The following GTPBP1 variants were observed in gnomAD, a reference collection of about 807,000 sequenced individuals.
GTPBP1 encodes GTP-binding protein 1.
Under a neutral mutation model 62.0 loss-of-function variants are expected in GTPBP1, and 23 were observed. The ratio of observed to expected loss-of-function variants is 0.37; its 90% CI spans 0.27 to 0.53. GTPBP1 has a LOEUF of 0.53. Ranked by LOEUF, GTPBP1 falls within the 20% of genes least tolerant of loss-of-function variation. GTPBP1 has a pLI of 0.89. For missense variants in GTPBP1, 640 were observed against 917.3 expected (o/e 0.70, Z 3.90); for synonymous variants, 344 against 364.4 (o/e 0.94, Z 0.64).
downstream of GTPBP1, chr22:38,742,156 AAAAAG>A: frequency 4.4e-6 from 5 of 1,123,758 alleles, no homozygotes; most frequent in African/African-American, 1.6e-5. Context: ...AAGAAAAAAA[AAAAAG>A]AAAAAAAGAG....
Position 38,730,793 on chromosome 22 carries a change from C to T in GTPBP1, c.*89C>T. On this transcript the variant is annotated 3_prime_UTR_variant, in exon 12 of 12. Coordinates refer to ENST00000216044, the MANE Select transcript of GTPBP1 (RefSeq NM_004286.5). This position sits in a 1 kb window ranked among gnomAD's most constrained non-coding sequence, Gnocchi z 5.6. ...TGGGCAGAGCAGCTATGACCGCCAC[C>T]CAGCCCTCCCGCTCAGGCCACAGCC... The T allele has an allele frequency of 1.4e-6, 1 of 693,934 alleles. No individual in the cohort carries two copies. 43.0% of individuals were successfully genotyped at this position (693,934 alleles called of 1,614,324 possible). A position where few individuals can be genotyped will look rare whatever the true frequency, so the allele number is the denominator to read the frequency against.
At chr22:38,728,406 G>C (rs1002974498) in intron 10 of GTPBP1, 6 of 491,380 alleles carry the variant, frequency 1.2e-5, no homozygotes, top group Non-Finnish European at 1.9e-5. Flanking sequence ...TAGAAAACTG[G>C]TGACAGAATG....
chr22:38,709,755 C>G (rs2092627643), intron 2 of GTPBP1, among the ~76,000 whole-genome samples: 1 of 152,224 alleles, frequency 6.6e-6, no homozygotes, highest in Middle Eastern at 3.2e-3. Flanking sequence ...CCAGACCCTA[C>G]TGACTATTTA....
chr22:38,739,392 C>T (rs539760038), downstream of GTPBP1: 38 of 1,613,172 alleles, frequency 2.4e-5, no homozygotes, highest in African/African-American at 6.7e-5. This position sits in a 1 kb window ranked among gnomAD's most constrained non-coding sequence, Gnocchi z 6.7. Flanking sequence ...CTCACTGTAG[C>T]GCTGCAGGGC....
rs953579392 is a variant in GTPBP1 at position 38,727,729 on chromosome 22, C to T, written c.1538-254C>T. On this transcript the variant is annotated intron_variant, in intron 9 of 11. Coordinates refer to ENST00000216044, the MANE Select transcript of GTPBP1 (RefSeq NM_004286.5). The surrounding 1 kb of genome is among the most constrained non-coding windows in gnomAD (Gnocchi z 6.5). ...GGTGCATGTGCAGTGTGCTGTAATC[C>T]CAGGAACTGGGACCCTTGTCTGCCC... Among the ~76,000 whole-genome samples the T allele has an allele frequency of 6.6e-6, 1 of 152,184 alleles. No individual in the cohort carries two copies. Among genetic ancestry groups the T allele is most frequent in the Non-Finnish European group, 1.5e-5 (1 of 68,020 alleles).
chr22:38,740,603 C>T, downstream of GTPBP1: 3 of 665,546 alleles, frequency 4.5e-6, no homozygotes, highest in Non-Finnish European at 7.3e-6. The surrounding 1 kb of genome is among the most constrained non-coding windows in gnomAD (Gnocchi z 4.8). Flanking sequence ...GGCTGCAGAA[C>T]CCCTGCCTGT....
Position 38,724,255 on chromosome 22 carries a change from A to G in GTPBP1, c.959-42A>G, listed in dbSNP as rs755790364. 2.6e-6 allele frequency: 3 copies of G among 1,171,090 alleles called. No homozygotes were observed. In the South Asian group the frequency reaches 3.7e-5, roughly 14 times the overall value. The allele number at this position is 1,171,090 out of a possible 1,614,324, so 72.5% of individuals were successfully genotyped here. A position where few individuals can be genotyped will look rare whatever the true frequency, so the allele number is the denominator to read the frequency against. On this transcript the variant is annotated intron_variant, in intron 5 of 11. Coordinates refer to ENST00000216044, the MANE Select transcript of GTPBP1 (RefSeq NM_004286.5). ...TTGCTCTTAAAGCCTGGCCAAAGAGAAGGCTGTGTCCCCCTAATTCTGTTC... is the reference window on the plus strand; with the variant it reads ...TTGCTCTTAAAGCCTGGCCAAAGAGGAGGCTGTGTCCCCCTAATTCTGTTC...
chr22:38,727,107 A>G lies in GTPBP1; in HGVS notation c.1402-106A>G. 9.0e-7 allele frequency: 1 copy of G among 1,116,342 alleles called. No individual in the cohort carries two copies. The highest frequency in any genetic ancestry group is 1.3e-6 in the Non-Finnish European group (1 of 799,362). The allele number at this position is 1,116,342 out of a possible 1,614,324, so 69.2% of individuals were successfully genotyped here. A position where few individuals can be genotyped will look rare whatever the true frequency, so the allele number is the denominator to read the frequency against. On this transcript the variant is annotated intron_variant, in intron 8 of 11. Coordinates refer to ENST00000216044, the MANE Select transcript of GTPBP1 (RefSeq NM_004286.5). This position sits in a 1 kb window ranked among gnomAD's most constrained non-coding sequence, Gnocchi z 6.5. ...TCCAGTTGGTGAGGAAACCAGGCAG[A>G]GTTGGGGTGGTCCCTATCCCTAGAA...
rs939592077 is a variant in GTPBP1, at chr22:38,730,165, C to T, written c.1918-447C>T. Among the ~76,000 whole-genome samples, 2 of 152,190 alleles carry T rather than the reference C, an allele frequency of 1.3e-5. No homozygotes were observed. The highest frequency in any genetic ancestry group is 2.9e-5 in the Non-Finnish European group (2 of 68,024). On this transcript the variant is annotated intron_variant, in intron 11 of 11. Coordinates refer to ENST00000216044, the MANE Select transcript of GTPBP1 (RefSeq NM_004286.5). The surrounding 1 kb of genome is among the most constrained non-coding windows in gnomAD (Gnocchi z 5.6). ...CAGCTGTCTCCCACAGGCACTCTCT[C>T]CTGGCGTGATGAAGGCCTGGTGCCC...
chr22:38,721,298 G>C (rs1410992252), intron 4 of GTPBP1, among the ~76,000 whole-genome samples: 1 of 152,158 alleles, frequency 6.6e-6, no homozygotes, highest in Non-Finnish European at 1.5e-5. Context: ...GGCTGGTCGC[G>C]AACTCCCGAC....
downstream of GTPBP1, among the ~76,000 whole-genome samples, chr22:38,741,221 C>T (rs897086009): frequency 5.9e-5 from 9 of 151,892 alleles, no homozygotes; most frequent in Non-Finnish European, 1.2e-4. Flanking sequence ...TCATGAGTCT[C>T]GTCCATGTCT....
Position 38,732,605 on chromosome 22 carries a change from C to G in GTPBP1, c.*1901C>G, listed in dbSNP as rs1490507004. ...CTGCCACCTCTGTGCCCTGGGCAGG[C>G]TCCAAAGGAAAGCTCTGGCTGGGAC... On this transcript the variant is annotated 3_prime_UTR_variant, in exon 12 of 12. Transcript: ENST00000216044. The G allele has an allele frequency of 6.6e-6, 1 of 152,346 alleles. No homozygotes were observed. The allele number at this position is 152,346 out of a possible 1,614,324, so 9.4% of individuals were successfully genotyped here.
intron 2 of GTPBP1, among the ~76,000 whole-genome samples, chr22:38,711,049 A>G (rs1232781454): frequency 6.6e-6 from 1 of 152,186 alleles, no homozygotes; most frequent in Admixed American, 6.5e-5. Flanking sequence ...ACAAATAGAA[A>G]GAGATCATAA....
At chr22:38,728,542 G>A (rs977877226) in intron 10 of GTPBP1, 4 of 241,012 alleles carry the variant, frequency 1.7e-5, no homozygotes, top group Non-Finnish European at 3.4e-5. Flanking sequence ...GGTTATGGGC[G>A]TGAGTTCTCT....
chr22:38,738,134 A>C, downstream of GTPBP1: 1 of 1,584,400 alleles, frequency 6.3e-7, no homozygotes, highest in Admixed American at 1.7e-5. This position sits in a 1 kb window ranked among gnomAD's most constrained non-coding sequence, Gnocchi z 6.6. Flanking sequence ...CTGGATGGGG[A>C]GTCTGCGCCA....
rs756241154 is a variant in GTPBP1 at position 38,730,748 on chromosome 22, C to G, written c.*44C>G. The G allele has an allele frequency of 4.8e-6, 5 of 1,040,716 alleles. No individual in the cohort carries two copies. The highest frequency in any genetic ancestry group is 7.0e-6 in the Non-Finnish European group (5 of 711,392). The allele number at this position is 1,040,716 out of a possible 1,614,324, so 64.5% of individuals were successfully genotyped here. On this transcript the variant is annotated 3_prime_UTR_variant, in exon 12 of 12. Coordinates refer to ENST00000216044, the MANE Select transcript of GTPBP1 (RefSeq NM_004286.5). The surrounding 1 kb of genome is among the most constrained non-coding windows in gnomAD (Gnocchi z 5.6). ...CTCACCACCCAAGGGGTCATCATCTCTGGCCACCACTCCACCAGATGGGCA... is the reference window on the plus strand; with the variant it reads ...CTCACCACCCAAGGGGTCATCATCTGTGGCCACCACTCCACCAGATGGGCA...
chr22:38,722,629 C>G (rs553308411), intron 5 of GTPBP1: 8 of 1,362,106 alleles, frequency 5.9e-6, no homozygotes, highest in Non-Finnish European at 7.0e-6. Context: ...TTTATGAGTA[C>G]AAGCATAATT....
At chr22:38,706,851 G>A (rs1309693923) in intron 1 of GTPBP1, 1 of 152,226 alleles carries the variant, frequency 6.6e-6, no homozygotes, top group Admixed American at 6.5e-5. Flanking sequence ...TTGAGCTGTC[G>A]AGAAGGTAGG....
Position 38,732,699 on chromosome 22 carries a change from TTTTC to T in GTPBP1, c.*1999_*2002del. On this transcript the variant is annotated 3_prime_UTR_variant, in exon 12 of 12. Transcript: ENST00000216044. The stretch of plus-strand genomic sequence containing the variant: ...CCCCTGAGGTCGATGTTTGTTCTGT[TTTTC>T]TTTTTCTTTTTTGAGACGGAGTCTC... 1 of 152,414 alleles carries T rather than the reference TTTTC, an allele frequency of 6.6e-6. No homozygotes were observed. The highest frequency in any genetic ancestry group is 1.5e-5 in the Non-Finnish European group (1 of 68,160). The allele number at this position is 152,414 out of a possible 1,614,324, so 9.4% of individuals were successfully genotyped here. A position where few individuals can be genotyped will look rare whatever the true frequency, so the allele number is the denominator to read the frequency against.
Sources: gnomAD v4.1 joint callset for allele counts (sites outside exome capture counted in the v4.1 genomes callset) on GRCh38, gnomAD v4.1.1 for gene constraint, Gnocchi (gnomAD v3.1) non-coding constraint, MANE v1.5 for transcripts, NCBI Gene and HGNC (gene_info 2026-07-23, HGNC 2026-07-21) for gene names.